The following DHRS1 variants were observed in gnomAD, a reference collection of about 807,000 sequenced individuals.
DHRS1 encodes dehydrogenase/reductase 1, also known as dehydrogenase/reductase SDR family member 1.
DHRS1 carries 34 observed loss-of-function variants against 35.2 expected under a neutral mutation model. That is an observed-to-expected ratio of 0.97 (90% CI 0.74 to 1.29). The LOEUF (loss-of-function observed/expected upper bound fraction) is 1.29, where lower values mean the gene tolerates loss of function less well. Ranked by LOEUF, DHRS1 falls within the 50% of genes most tolerant of loss-of-function variation. The pLI, the probability that DHRS1 is intolerant of heterozygous loss-of-function variation, is 0.00. For synonymous variants in DHRS1, 133 were observed against 160.0 expected, an observed-to-expected ratio of 0.83 and a Z score of 1.27; for missense variants, 354 against 403.6, an observed-to-expected ratio of 0.88 and a Z score of 1.05.
At chr14:24,294,252 A>G (rs957076008) in intron 4 of DHRS1, 2 of 152,198 alleles carry the variant, frequency 1.3e-5, no homozygotes, top group African/African-American at 4.8e-5. Flanking sequence ...ACACACATAC[A>G]CACACAAATA....
chr14:24,298,098 T>A (rs2041291354), intron 2 of DHRS1, among the ~76,000 whole-genome samples: 1 of 152,136 alleles, frequency 6.6e-6, no homozygotes, highest in Admixed American at 6.5e-5. Flanking sequence ...CAGGCTGGAG[T>A]GCAGTGGTGC....
chr14:24,296,346 T>C (rs897243173), intron 4 of DHRS1, among the ~76,000 whole-genome samples, 163 bp downstream of exon 4: 1 of 152,042 alleles, frequency 6.6e-6, no homozygotes. Context: ...CAGACTCACC[T>C]GGATGGAACT....
chr14:24,291,602 C>T lies in DHRS1; in HGVS notation c.678G>A (p.Ala226=), dbSNP rs1131941. The T allele has an allele frequency of 0.2, 315,982 of 1,613,754 alleles. 33,892 individuals are homozygous for T. Among genetic ancestry groups the T allele is most frequent in the Admixed American group, 0.35 (21,020 of 60,012 alleles). ...ATTTGCCACTCAATTCTGTGGTTTC[C>T]GCAGATGAGAAGGCTGATTTGAACT... The part of the protein sequence containing the change: ...LKQFKSAFSS[A]ETTELSGKCV... Residue 226 remains alanine (A), a synonymous_variant, in exon 7 of 9, where the codon GCG becomes GCA. Coordinates refer to ENST00000288111, the MANE Select transcript of DHRS1 (RefSeq NM_001136050.3).
At chr14:24,293,818 G>A (rs1014995824) in intron 4 of DHRS1, 13 of 151,846 alleles carry the variant, frequency 8.6e-5, no homozygotes, top group Admixed American at 2.6e-4. Flanking sequence ...GCAAGACCCC[G>A]TCTCTAAAAA....
rs768289025 is a variant in DHRS1 at position 24,292,774 on chromosome 14, A to C, written c.385T>G (p.Phe129Val). The change falls in exon 5 of 9, where the codon TTT becomes GTT. Residue 129 changes from phenylalanine (F) to valine (V), a missense_variant. Transcript: ENST00000288111. The part of the protein sequence containing the change: ...INNVGLRGHY[F>V]CSVYGARLMV... ...AGCCGTGCCCCATACACTGAGCAAA[A>C]GTAGTGGCCTCTAGAAGGTGGGGCA... The C allele has an allele frequency of 3.1e-6, 5 of 1,612,414 alleles. No individual in the cohort carries two copies.
At chr14:24,298,851 G>T in intron 2 of DHRS1, 106 bp downstream of exon 2, 1 of 1,217,974 alleles carries the variant, frequency 8.2e-7, no homozygotes, top group Non-Finnish European at 1.1e-6. Flanking sequence ...TTCACATCTT[G>T]TTGAGTAGTA....
At chr14:24,296,662 A>G in intron 3 of DHRS1, 74 bp from the exon 4 acceptor site, 3 of 1,613,440 alleles carry the variant, frequency 1.9e-6, no homozygotes, top group South Asian at 2.2e-5. Context: ...GGAAGGGACA[A>G]TGAGTGGGGA....
intron 8 of DHRS1, 69 bp downstream of exon 8, chr14:24,291,070 C>A: frequency 3.1e-6 from 5 of 1,613,210 alleles, no homozygotes; most frequent in Non-Finnish European, 4.2e-6. Context: ...GCTGGAGAGA[C>A]CGAGGGAGGA....
chr14:24,292,735 C>T lies in DHRS1; in HGVS notation c.424G>A (p.Gly142Ser). The change falls in exon 5 of 9, where the codon GGC (glycine) becomes AGC (serine). Residue 142 changes from glycine (G) to serine (S), a missense_variant. Gly to Ser is a moderately conservative substitution (Grantham distance 56). Transcript: ENST00000288111. ...VYGARLMVPA[G>S]QGLIVVISSP... ...GAGATGACCACGATGAGCCCCTGGC[C>T]AGCTGGTACCATCAGCCGTGCCCCA... 1.2e-6 allele frequency: 2 copies of T among 1,614,198 alleles called. No homozygotes were observed. Among genetic ancestry groups the T allele is most frequent in the Middle Eastern group, 1.6e-4 (1 of 6,062 alleles).
chr14:24,294,488 T>G (rs1372326448), intron 4 of DHRS1: 1 of 149,240 alleles, frequency 6.7e-6, no homozygotes, highest in Non-Finnish European at 1.5e-5. Flanking sequence ...ACTCGGGAGG[T>G]TGAGGTATGA....
At chr14:24,293,081 G>A (rs1036700490) in intron 4 of DHRS1, 5 of 370,374 alleles carry the variant, frequency 1.3e-5, no homozygotes, top group Admixed American at 9.2e-5. Flanking sequence ...CTTAAGAAAT[G>A]TATAGTGTCT....
intron 1 of DHRS1, 91 bp downstream of exon 1, chr14:24,299,490 C>A (rs539815701): frequency 4.6e-6 from 1 of 215,660 alleles, no homozygotes; most frequent in Non-Finnish European, 9.2e-6. Flanking sequence ...TGACCCAGTC[C>A]GGCTGAGCCA....
In DHRS1 at chr14:24,299,099, G is replaced by A. The variant is rs1344016359; in HGVS notation, c.8C>T (p.Ala3Val). The change falls in exon 2 of 9, where the codon GCT (alanine) becomes GTT (valine). Residue 3 changes from alanine (A) to valine (V), a missense_variant. Ala to Val is a moderately conservative substitution (Grantham distance 64). Transcript: ENST00000288111. Reference sequence around the variant, plus strand: ...CACACACACTTGGCCATTCATGGGAGCTGCCATGACTCACAGGCAAAGGAG... The same window carrying A: ...CACACACACTTGGCCATTCATGGGAACTGCCATGACTCACAGGCAAAGGAG... MA[A>V]PMNGQVCVVT... 1.9e-6 allele frequency: 3 copies of A among 1,612,554 alleles called. No homozygotes were observed. Among genetic ancestry groups the A allele is most frequent in the African/African-American group, 2.7e-5 (2 of 74,908 alleles).
rs552912408 is a variant in DHRS1 at position 24,297,038 on chromosome 14, CTGTT to C, written c.151-161_151-158del. 2.2e-4 allele frequency among the ~76,000 whole-genome samples: 34 copies of C among 152,334 alleles called. 1 individual carries two copies. In the East Asian group the frequency reaches 4.4e-3, roughly 20 times the overall value. ...GGCAGGCAACGCTGCCCTCTGGTGT[CTGTT>C]TGAGTAGTTTCAGGAATGATAGGCC... On this transcript the variant is annotated intron_variant, in intron 2 of 8. Coordinates refer to ENST00000288111, the MANE Select transcript of DHRS1 (RefSeq NM_001136050.3).
rs1435201382 is a variant in DHRS1, at chr14:24,292,724, G to A, written c.435C>T (p.Leu145=). The A allele has an allele frequency of 1.9e-6, 3 of 1,614,174 alleles. No individual in the cohort carries two copies. The highest frequency in any genetic ancestry group is 2.5e-6 in the Non-Finnish European group (3 of 1,180,028). The part of the protein sequence containing the change: ...ARLMVPAGQG[L]IVVISSPGSL... ...TTCCTGGGGAGGAGATGACCACGAT[G>A]AGCCCCTGGCCAGCTGGTACCATCA... Residue 145 remains leucine (L), a synonymous_variant, in exon 5 of 9, where the codon CTC becomes CTT. Coordinates refer to ENST00000288111, the MANE Select transcript of DHRS1 (RefSeq NM_001136050.3).
At chr14:24,294,449 C>G (rs564112440) in intron 4 of DHRS1, 2 of 151,994 alleles carry the variant, frequency 1.3e-5, no homozygotes, top group Non-Finnish European at 2.9e-5. Context: ...ATTAGCCAGG[C>G]GTGGTGGCAG....
chr14:24,293,335 G>A (rs1373976063), intron 4 of DHRS1: 1 of 153,016 alleles, frequency 6.5e-6, no homozygotes, highest in African/African-American at 2.4e-5. Flanking sequence ...AGCACTTTGG[G>A]AGGCGAGGGG....
At chr14:24,299,167 A>T in intron 1 of DHRS1, 37 bp from the exon 2 acceptor site, 1 of 1,563,870 alleles carries the variant, frequency 6.4e-7, no homozygotes, top group South Asian at 1.2e-5. Flanking sequence ...GGAAGCCTGG[A>T]GACTGTGTGT....
intron 4 of DHRS1, 63 bp from the exon 5 acceptor site, chr14:24,292,847 C>T: frequency 1.3e-6 from 2 of 1,543,780 alleles, no homozygotes; most frequent in Admixed American, 2.2e-5. Context: ...GTGCCACAGC[C>T]TCTGGCGGCT....
Sources: gnomAD v4.1 joint callset for allele counts (sites outside exome capture counted in the v4.1 genomes callset) on GRCh38, gnomAD v4.1.1 for gene constraint, MANE v1.5 for transcripts, NCBI Gene and HGNC (gene_info 2026-07-23, HGNC 2026-07-21) for gene names.